Variants in ASCC3 observed in about 807,000 individuals in gnomAD.
ASCC3 encodes the protein ASC-1 complex subunit P200.
In ASCC3, 158 loss-of-function variants were observed where a neutral mutation model predicts 256.3. The ratio of observed to expected loss-of-function variants is 0.62; its 90% confidence interval spans 0.54 to 0.70. The LOEUF is 0.70. Ranked by LOEUF, ASCC3 falls within the 30% of genes least tolerant of loss-of-function variation. The pLI, the probability that ASCC3 is intolerant of heterozygous loss-of-function variation, is 0.00. For missense variants in ASCC3, 2,259 were observed against 2,626.0 expected (o/e 0.86, Z 3.05); for synonymous variants, 948 against 883.4 (o/e 1.07, Z -1.30).
intron 5 of ASCC3, among the ~76,000 whole-genome samples, chr6:100,801,052 T>C (rs1769893551): frequency 1.4e-5 from 2 of 147,620 alleles, no homozygotes; most frequent in South Asian, 2.1e-4. Flanking sequence ...AAAGCAAAAG[T>C]ATGGTCCACC....
At chr6:100,509,817 G>C (rs1773667710) in intron 41 of ASCC3, 115 bp downstream of exon 41, 4 of 1,067,346 alleles carry the variant, frequency 3.7e-6, no homozygotes, top group Non-Finnish European at 5.5e-6. Context: ...GAACCCGGGA[G>C]GCGGAGCTTG....
chr6:100,814,810 T>G (rs1000071410), intron 4 of ASCC3, among the ~76,000 whole-genome samples: 1 of 152,088 alleles, frequency 6.6e-6, no homozygotes, highest in African/African-American at 2.4e-5. Flanking sequence ...TTAATTGTGT[T>G]TATTTGGATT....
At chr6:100,767,374 A>C (rs1781706845) in intron 8 of ASCC3, 29 bp from the exon 9 acceptor site, 1 of 1,594,296 alleles carries the variant, frequency 6.3e-7, no homozygotes, top group Non-Finnish European at 8.6e-7. Context: ...ACCCATTATA[A>C]ATAGTAACAA....
At chr6:100,840,752 T>C (rs1772104228) in intron 4 of ASCC3, among the ~76,000 whole-genome samples, 1 of 147,126 alleles carries the variant, frequency 6.8e-6, no homozygotes, top group African/African-American at 2.4e-5. Flanking sequence ...TTTTAAAAGA[T>C]ATATACTCCA....
chr6:100,825,444 T>C (rs1771255230), intron 4 of ASCC3, among the ~76,000 whole-genome samples: 2 of 152,166 alleles, frequency 1.3e-5, no homozygotes. Context: ...TTTAGAAATG[T>C]CCCTTTTACG....
At chr6:100,663,739 A>C (rs1776337670) in intron 14 of ASCC3, among the ~76,000 whole-genome samples, 1 of 152,094 alleles carries the variant, frequency 6.6e-6, no homozygotes, top group African/African-American at 2.4e-5. Context: ...AGAAAACAGA[A>C]ATTTGTGTTA....
At chr6:100,678,551 A>G (rs1255083158) in intron 14 of ASCC3, among the ~76,000 whole-genome samples, 2 of 152,128 alleles carry the variant, frequency 1.3e-5, no homozygotes, top group East Asian at 1.9e-4. Context: ...AGTCACAATT[A>G]AATATATTTT....
intron 17 of ASCC3, among the ~76,000 whole-genome samples, chr6:100,653,659 T>C (rs1269440166): frequency 1.3e-5 from 2 of 151,018 alleles, no homozygotes; most frequent in African/African-American, 4.8e-5. Flanking sequence ...CTTGGCTCAC[T>C]TTACTTACTT....
At chr6:100,520,860 C>A (rs1430466013) in intron 37 of ASCC3, among the ~76,000 whole-genome samples, 2 of 152,142 alleles carry the variant, frequency 1.3e-5, no homozygotes, top group African/African-American at 4.8e-5. Context: ...CAGAACTCAA[C>A]TCTGTTATGT....
intron 3 of ASCC3, among the ~76,000 whole-genome samples, chr6:100,860,900 G>A (rs1003833064): frequency 9.2e-5 from 14 of 152,072 alleles, no homozygotes; most frequent in South Asian, 2.1e-4. Flanking sequence ...AACTCATAAA[G>A]GAGTTTTATG....
chr6:100,848,114 A>T (rs774779392), intron 4 of ASCC3, 34 bp downstream of exon 4: 1 of 1,531,180 alleles, frequency 6.5e-7, no homozygotes, highest in South Asian at 1.3e-5. Context: ...GATAGTTCAC[A>T]TTAATATAAA....
intron 4 of ASCC3, among the ~76,000 whole-genome samples, chr6:100,806,223 C>T (rs1770173405): frequency 6.6e-6 from 1 of 151,870 alleles, no homozygotes; most frequent in Non-Finnish European, 1.5e-5. Context: ...CTGGTTTTCC[C>T]AAATAGAGTC....
chr6:100,740,270 A>G (rs934875068), intron 10 of ASCC3, among the ~76,000 whole-genome samples: 3 of 152,130 alleles, frequency 2.0e-5, no homozygotes, highest in African/African-American at 7.2e-5. Context: ...CTTGAGTTCT[A>G]ATTTGATTGC....
chr6:100,795,516 A>G (rs1003170407), intron 8 of ASCC3, among the ~76,000 whole-genome samples: 6 of 152,122 alleles, frequency 3.9e-5, no homozygotes, highest in Admixed American at 3.9e-4. Flanking sequence ...AAAGCCATAA[A>G]TTGTCACCCT....
At chr6:100,684,802 CTTTTTTTTTTT>C (rs34237443) in intron 13 of ASCC3, among the ~76,000 whole-genome samples, 7 of 94,718 alleles carry the variant, frequency 7.4e-5, no homozygotes, top group Non-Finnish European at 1.4e-4. Context: ...GAATCAAACT[CTTTTTTTTTTT>C]TTTTTTTTTT....
rs957786647 is a variant in ASCC3, at chr6:100,516,199, T to C, written c.6056A>G (p.His2019Arg). 5.0e-6 allele frequency: 8 copies of C among 1,613,710 alleles called. No individual in the cohort carries two copies. Among genetic ancestry groups the C allele is most frequent in the Non-Finnish European group, 6.8e-6 (8 of 1,179,690 alleles). Residue 2019 changes from histidine (H) to arginine (R), a missense_variant, in exon 39 of 42, where the codon CAT (histidine) becomes CGT (arginine). This residue lies in a region of ASCC3 where 1,839 missense variants were observed against 2,206.7 expected (regional missense o/e 0.83). Transcript: ENST00000369162. Reference sequence around the variant, plus strand: ...TCTTACCTGTTTCGTTTTTGCAGCATGTAGCTCACTTTCTACCATGGAGCT... The same window carrying C: ...TCTTACCTGTTTCGTTTTTGCAGCACGTAGCTCACTTTCTACCATGGAGCT... ...VFSSMVESEL[H>R]AAKTKQAWNF...
At chr6:100,771,880 T>G (rs1159303077) in intron 8 of ASCC3, among the ~76,000 whole-genome samples, 1 of 139,030 alleles carries the variant, frequency 7.2e-6, no homozygotes, top group Admixed American at 7.2e-5. Flanking sequence ...TTTTTTTTTT[T>G]TTTTTTTTTT....
chr6:100,666,383 T>G (rs910266711), intron 14 of ASCC3, among the ~76,000 whole-genome samples: 6 of 152,192 alleles, frequency 3.9e-5, no homozygotes, highest in Non-Finnish European at 5.9e-5. Flanking sequence ...TATGTTTACT[T>G]TTATAAAAAT....
chr6:100,553,276 T>C (rs1769398106), intron 36 of ASCC3, among the ~76,000 whole-genome samples: 1 of 152,164 alleles, frequency 6.6e-6, no homozygotes, highest in Non-Finnish European at 1.5e-5. Context: ...TAGCCACTGC[T>C]TCCTTAGTAG....
Sources: allele counts gnomAD v4.1 joint callset (sites outside exome capture counted in the v4.1 genomes callset), GRCh38; gene constraint gnomAD v4.1.1; regional missense constraint gnomAD v4.1.1; transcripts MANE v1.5; gene names NCBI Gene and HGNC (gene_info 2026-07-23, HGNC 2026-07-21).